The following RBMS3 variants were observed in gnomAD, a reference collection of about 807,000 sequenced individuals.
RBMS3 encodes RNA binding motif single stranded interacting protein 3.
A neutral mutation model predicts 66.8 loss-of-function variants in RBMS3; 27 were observed. The ratio of observed to expected loss-of-function variants is 0.40; its 90% CI spans 0.30 to 0.56. The LOEUF (loss-of-function observed/expected upper bound fraction) is 0.56, where lower values mean the gene tolerates loss of function less well. Ranked by LOEUF, RBMS3 falls within the 20% of genes least tolerant of loss-of-function variation. The probability of loss-of-function intolerance (pLI) is 0.40; values close to 1 mark genes in which losing one functional copy is unlikely to be tolerated. For missense variants in RBMS3, 513 were observed against 549.5 expected (o/e 0.93, Z 0.66); for synonymous variants, 188 against 183.0 (o/e 1.03, Z -0.22).
chr3:29,992,402 C>T lies in RBMS3; in HGVS notation c.1307+1193C>T, dbSNP rs145610244. Among the ~76,000 whole-genome samples the T allele has an allele frequency of 3.5e-3, 531 of 152,010 alleles. 3 individuals are homozygous for T. Among genetic ancestry groups the T allele is most frequent in the African/African-American group, 0.012 (478 of 41,464 alleles). ...GAGATAGAGACCATCCTGGCTAACA[C>T]GGTGAAACCCCGTCTCTACTAAAAA... On this transcript the variant is annotated intron_variant, in intron 14 of 14. Coordinates refer to ENST00000383767, the MANE Select transcript of RBMS3 (RefSeq NM_001003793.3).
chr3:29,979,320 T>G (rs1278397865), intron 12 of RBMS3, among the ~76,000 whole-genome samples: 1 of 152,174 alleles, frequency 6.6e-6, no homozygotes, highest in East Asian at 1.9e-4. Flanking sequence ...CAGTTCAGTT[T>G]TGGTCATGTT....
intron 3 of RBMS3, among the ~76,000 whole-genome samples, chr3:29,494,231 AT>A (rs1349325338): frequency 1.3e-5 from 2 of 152,210 alleles, no homozygotes; most frequent in African/African-American, 4.8e-5. Flanking sequence ...ATTGAATCCT[AT>A]TTTAGCATTT....
At position 29,991,185 on chromosome 3, in the gene RBMS3, C is replaced by A; in HGVS notation, c.1283C>A (p.Pro428His). 1 of 1,614,094 alleles carries A rather than the reference C, an allele frequency of 6.2e-7. No individual in the cohort carries two copies. Among genetic ancestry groups the A allele is most frequent in the Non-Finnish European group, 8.5e-7 (1 of 1,179,958 alleles). ...IAVDTSNEHA[P>H]AYSYQQSKP is the part of the protein sequence containing the mutation. ...GTGGACACATCCAACGAACATGCAC[C>A]TGCATATTCTTACCAACAGTCTAAG... is the stretch of plus-strand genomic sequence containing the variant. The change falls in exon 14 of 15, where the codon CCT becomes CAT. Residue 428 changes from proline to histidine, a missense_variant. Transcript: ENST00000383767.
chr3:29,962,568 A>AT (rs199824648), intron 12 of RBMS3, among the ~76,000 whole-genome samples: 14 of 149,534 alleles, frequency 9.4e-5, no homozygotes, highest in Admixed American at 5.3e-4. Context: ...ATATATATAT[A>AT]ATACCATACC....
rs767944950 is a variant in RBMS3, at chr3:29,488,418, T to A, written c.249-23T>A. On this transcript the variant is annotated intron_variant, in intron 2 of 14. Coordinates refer to ENST00000383767, the MANE Select transcript of RBMS3 (RefSeq NM_001003793.3). ...TTCAATGGGTTACAATAACATGGGT[T>A]TTTTTCTCTCTCTCTCTTTCAGGTA... The A allele has an allele frequency of 2.7e-5, 41 of 1,531,206 alleles. No individual in the cohort carries two copies. In the East Asian group the frequency reaches 7.8e-4, roughly 29 times the overall value. 94.9% of individuals were successfully genotyped at this position (1,531,206 alleles called of 1,614,324 possible).
chr3:29,483,201 C>G lies in RBMS3; in HGVS notation c.249-5240C>G, dbSNP rs2043200770. Among the ~76,000 whole-genome samples the G allele has an allele frequency of 2.7e-5, 4 of 149,272 alleles. No individual in the cohort carries two copies. The South Asian group carries it at 8.5e-4, about 32-fold the overall frequency. ...GCGGGCGCCTGTAGTCCCAGCTACT[C>G]GGGAGGCTGAGGCAGGAGAATGGCG... is the stretch of plus-strand genomic sequence containing the variant. On this transcript the variant is annotated intron_variant, in intron 2 of 14. Transcript: ENST00000383767.
intron 10 of RBMS3, among the ~76,000 whole-genome samples, chr3:29,928,369 T>TA (rs2061009065): frequency 2.4e-5 from 1 of 41,486 alleles, no homozygotes; most frequent in Non-Finnish European, 5.6e-5. Context: ...GTTTTCTTTC[T>TA]AAAAAAAGTA....
intron 3 of RBMS3, among the ~76,000 whole-genome samples, chr3:29,544,715 G>GTGTGTGTGTGTGTGTA (rs1404659283): frequency 1.3e-5 from 2 of 151,844 alleles, no homozygotes; most frequent in African/African-American, 4.8e-5. Flanking sequence ...GTGTGTGTGT[G>GTGTGTGTGTGTGTGTA]TATAGTTGAT....
intron 1 of RBMS3, among the ~76,000 whole-genome samples, chr3:29,310,091 G>T (rs1250787412): frequency 6.6e-6 from 1 of 151,622 alleles, no homozygotes; most frequent in Non-Finnish European, 1.5e-5. Context: ...GGTAAATCCT[G>T]GGTCGAGGGG....
intron 1 of RBMS3, among the ~76,000 whole-genome samples, chr3:29,413,412 A>G (rs1269445644): frequency 6.6e-6 from 1 of 151,324 alleles, no homozygotes; most frequent in Non-Finnish European, 1.5e-5. Flanking sequence ...ATACATACAT[A>G]CATACATACA....
At chr3:29,500,838 C>CTGTGTGTG (rs58254082) in intron 3 of RBMS3, among the ~76,000 whole-genome samples, 1,869 of 148,270 alleles carry the variant, frequency 0.013, 34 homozygotes, top group African/African-American at 0.04. Context: ...GTCAGTACAT[C>CTGTGTGTG]TGTGTGTGTG....
intron 6 of RBMS3, among the ~76,000 whole-genome samples, chr3:29,764,189 T>C (rs953404871): frequency 6.6e-6 from 1 of 151,996 alleles, no homozygotes; most frequent in African/African-American, 2.4e-5. Context: ...AAACCTAAAG[T>C]AGCTGATTGC....
At chr3:29,734,416 C>T (rs1004420632) in intron 4 of RBMS3, among the ~76,000 whole-genome samples, 2 of 152,034 alleles carry the variant, frequency 1.3e-5, no homozygotes, top group African/African-American at 4.8e-5. Context: ...GTTCCCAACA[C>T]AAAGAAATAA....
chr3:29,836,210 T>A (rs1297832431), intron 6 of RBMS3, among the ~76,000 whole-genome samples: 1 of 152,044 alleles, frequency 6.6e-6, no homozygotes, highest in Non-Finnish European at 1.5e-5. Context: ...ATAGCTATTA[T>A]TTTCAAACTC....
intron 12 of RBMS3, among the ~76,000 whole-genome samples, chr3:29,983,133 G>C (rs770656284): frequency 2.0e-4 from 31 of 151,796 alleles, no homozygotes; most frequent in Non-Finnish European, 3.8e-4. Flanking sequence ...AGCTCTTCTT[G>C]TTGTATTGAT....
intron 12 of RBMS3, among the ~76,000 whole-genome samples, chr3:29,948,524 T>C (rs906197997): frequency 5.9e-5 from 9 of 151,946 alleles, no homozygotes; most frequent in African/African-American, 2.2e-4. Context: ...AAGCAACATT[T>C]GTTTTCATAG....
At chr3:29,970,265 T>C (rs551496971) in intron 12 of RBMS3, among the ~76,000 whole-genome samples, 2 of 152,160 alleles carry the variant, frequency 1.3e-5, no homozygotes, top group Non-Finnish European at 2.9e-5. Context: ...TTTTCTAGGA[T>C]ATAGCATTCA....
intron 12 of RBMS3, among the ~76,000 whole-genome samples, chr3:29,970,422 C>T (rs1697151423): frequency 6.6e-6 from 1 of 152,084 alleles, no homozygotes; most frequent in Non-Finnish European, 1.5e-5. Flanking sequence ...TTCTGGTTTG[C>T]TTATCTATTT....
At chr3:29,988,255 GA>G (rs35556408) in intron 13 of RBMS3, 32 bp downstream of exon 13, 1 of 1,550,586 alleles carries the variant, frequency 6.4e-7, no homozygotes, top group East Asian at 2.2e-5. Flanking sequence ...AAAGAGGTTA[GA>G]AGAAATAAAT....
Sources: gnomAD v4.1 joint callset for allele counts (sites outside exome capture counted in the v4.1 genomes callset) on GRCh38, gnomAD v4.1.1 for gene constraint, MANE v1.5 for transcripts, NCBI Gene and HGNC (gene_info 2026-07-23, HGNC 2026-07-21) for gene names.